Variants in RTKN2 observed in about 807,000 individuals in gnomAD.
The protein encoded by RTKN2 is rhotekin-2.
Under a neutral mutation model 71.5 loss-of-function variants are expected in RTKN2, and 69 were observed. That is an observed-to-expected ratio of 0.96 (90% CI 0.79 to 1.18). The LOEUF (loss-of-function observed/expected upper bound fraction) is 1.18. Ranked by LOEUF, RTKN2 falls within the 50% of genes most tolerant of loss-of-function variation. RTKN2 has a pLI of 0.00. For synonymous variants in RTKN2, 236 were observed against 236.5 expected (o/e 1.00, Z 0.02); for missense variants, 724 against 719.7 (o/e 1.01, Z -0.07).
chr10:62,267,480 G>T (rs1188690315), intron 1 of RTKN2, among the ~76,000 whole-genome samples: 7 of 152,090 alleles, frequency 4.6e-5, no homozygotes, highest in African/African-American at 1.4e-4. Flanking sequence ...AACAGGACAG[G>T]ACTGAAAAAA....
intron 8 of RTKN2, among the ~76,000 whole-genome samples, chr10:62,186,601 A>G (rs1841140526): frequency 6.6e-6 from 1 of 152,034 alleles, no homozygotes; most frequent in African/African-American, 2.4e-5. Context: ...GTGCTCCTCA[A>G]CCCCTTCCCG....
rs773867582 is a variant in RTKN2 at position 62,239,710 on chromosome 10, A to G, written c.426T>C (p.Asp142=). 5 of 1,592,696 alleles carry G rather than the reference A, an allele frequency of 3.1e-6. No homozygotes were observed. The highest frequency in any genetic ancestry group is 1.7e-5 in the Admixed American group (1 of 58,440). ...CLFKMGANVF[D]TDVVNVDKTI... is the part of the protein sequence containing the mutation. The stretch of plus-strand genomic sequence containing the variant: ...TTTTATCCACATTCACCACATCAGT[A>G]TCAAACACATTAGCTCCCATTTTGA... Residue 142 remains aspartate (D), a synonymous_variant, in exon 5 of 12, where the codon GAT becomes GAC. Transcript: ENST00000373789.
At chr10:62,223,972 GTA>G (rs5785516) in intron 6 of RTKN2, among the ~76,000 whole-genome samples, 114,419 of 151,260 alleles carry the variant, frequency 0.76, 43,344 homozygotes, top group East Asian at 0.9. Flanking sequence ...GTGTGTGTGT[GTA>G]TATATACACA....
rs894443551 is a variant in RTKN2 at position 62,231,827 on chromosome 10, G to A, written c.686+4239C>T. ...CCATTTTGGTTAAAGACTAAAAGCT[G>A]TATTAGAAATCTTCGCATTGACCTA... On this transcript the variant is annotated intron_variant, in intron 6 of 11. Transcript: ENST00000373789. Among the ~76,000 whole-genome samples the A allele has an allele frequency of 5.9e-5, 9 of 152,246 alleles. No individual in the cohort carries two copies. The South Asian group carries it at 1.2e-3, about 21-fold the overall frequency.
In RTKN2 at chr10:62,260,613, TAC is replaced by T. The variant is rs372423530; in HGVS notation, c.257+2010_257+2011del. ...TAATTAGTAAAGAAACTGAAAATCA[TAC>T]ACATTTCCAGTTAGGGATCCTAATT... On this transcript the variant is annotated intron_variant, in intron 2 of 11. Transcript: ENST00000373789. Among the ~76,000 whole-genome samples, 66 of 152,264 alleles carry T rather than the reference TAC, an allele frequency of 4.3e-4. No individual in the cohort carries two copies. The South Asian group carries it at 0.013, about 30-fold the overall frequency.
At chr10:62,254,519 C>G (rs1021485787) in intron 2 of RTKN2, among the ~76,000 whole-genome samples, 5 of 152,094 alleles carry the variant, frequency 3.3e-5, no homozygotes. Flanking sequence ...CAAAGTAATA[C>G]AATTATTTCA....
At chr10:62,227,713 C>A (rs1241489995) in intron 6 of RTKN2, among the ~76,000 whole-genome samples, 1 of 152,164 alleles carries the variant, frequency 6.6e-6, no homozygotes, top group Non-Finnish European at 1.5e-5. Context: ...GTGTGGAGAA[C>A]AGACTACAGA....
chr10:62,186,097 A>G (rs1342895832), intron 8 of RTKN2, among the ~76,000 whole-genome samples: 1 of 152,232 alleles, frequency 6.6e-6, no homozygotes, highest in Admixed American at 6.5e-5. Flanking sequence ...TGGAGACTGT[A>G]TGGTGTGGGC....
chr10:62,205,097 A>G, intron 9 of RTKN2, 75 bp from the exon 10 acceptor site: 2 of 1,163,208 alleles, frequency 1.7e-6, no homozygotes, highest in Non-Finnish European at 2.4e-6. Context: ...TTTATTGCTT[A>G]GCTACCATAT....
intron 1 of RTKN2, among the ~76,000 whole-genome samples, chr10:62,263,763 G>C (rs575005048): frequency 6.6e-6 from 1 of 152,282 alleles, no homozygotes; most frequent in Admixed American, 6.5e-5. Context: ...TAGCTATCTG[G>C]AACAGAGCTT....
intron 6 of RTKN2, among the ~76,000 whole-genome samples, chr10:62,226,689 C>G (rs1244017194): frequency 6.6e-6 from 1 of 152,230 alleles, no homozygotes; most frequent in East Asian, 1.9e-4. Context: ...TGCTATTATT[C>G]ATTTATTCTG....
rs1842919504 is a variant in RTKN2, at chr10:62,268,824, C to T, written c.-214G>A. On this transcript the variant is annotated 5_prime_UTR_variant, in exon 1 of 12. Coordinates refer to ENST00000373789, the MANE Select transcript of RTKN2 (RefSeq NM_145307.4). ...CCGCCGCCGGAAGTTGCCGAGACCC[C>T]AGGCTCTAGCGCGGCGGGGCGGGGG... 3 of 550,204 alleles carry T rather than the reference C, an allele frequency of 5.5e-6. No homozygotes were observed. Among genetic ancestry groups the T allele is most frequent in the Non-Finnish European group, 6.3e-6 (2 of 317,066 alleles). The allele number at this position is 550,204 out of a possible 1,614,324, so 34.1% of individuals were successfully genotyped here.
intron 9 of RTKN2, 145 bp downstream of exon 9, chr10:62,216,973 G>A (rs1242542424): frequency 1.2e-5 from 6 of 500,604 alleles, no homozygotes; most frequent in African/African-American, 4.0e-5. Context: ...TAGAAAAACA[G>A]AAACAGATTA....
Position 62,217,127 on chromosome 10 carries a change from G to T in RTKN2, c.1011C>A (p.Pro337=), listed in dbSNP as rs751700218. ...ATAGCATTTCCTTTACCTTGTTAAT[G>T]GGTACTACCAAAGCTGGTTCCACTT... ...EAKVEPALVV[P]INKETRIRAM... Residue 337 remains proline (P), a synonymous_variant, in exon 9 of 12, where the codon CCC becomes CCA. Transcript: ENST00000373789. 7.0e-6 allele frequency: 11 copies of T among 1,566,922 alleles called. No individual in the cohort carries two copies. In the African/African-American group the frequency reaches 1.4e-4, roughly 20 times the overall value.
chr10:62,268,601 G>T lies in RTKN2; in HGVS notation c.10C>A (p.Pro4Thr), dbSNP rs1458454206. 2 of 1,563,798 alleles carry T rather than the reference G, an allele frequency of 1.3e-6. No homozygotes were observed. The highest frequency in any genetic ancestry group is 2.4e-5 in the East Asian group (1 of 42,426). MEG[P>T]SLRGPALRLA... Reference sequence around the variant, plus strand: ...CGGAGCGCAGGACCCCTCAGGCTCGGCCCCTCCATCTCCAACGCGAACTGT... The same window carrying T: ...CGGAGCGCAGGACCCCTCAGGCTCGTCCCCTCCATCTCCAACGCGAACTGT... Residue 4 changes from proline (P) to threonine (T), a missense_variant, in exon 1 of 12, where the codon CCG becomes ACG. By Grantham distance (38) the Pro-to-Thr change is conservative. Coordinates refer to ENST00000373789, the MANE Select transcript of RTKN2 (RefSeq NM_145307.4).
intron 1 of RTKN2, among the ~76,000 whole-genome samples, chr10:62,263,888 A>T (rs1464913525): frequency 2.0e-5 from 3 of 152,176 alleles, no homozygotes; most frequent in Non-Finnish European, 2.9e-5. Context: ...TAATGGCCTG[A>T]TTCTACATAT....
intron 3 of RTKN2, among the ~76,000 whole-genome samples, chr10:62,241,589 TTTG>T (rs1404738394): frequency 1.3e-5 from 2 of 152,182 alleles, no homozygotes; most frequent in African/African-American, 4.8e-5. Context: ...TTTTCTTTTT[TTTG>T]TTTTTTGACA....
chr10:62,266,399 C>T (rs2133118376), intron 1 of RTKN2, among the ~76,000 whole-genome samples: 1 of 152,264 alleles, frequency 6.6e-6, no homozygotes, highest in Non-Finnish European at 1.5e-5. Flanking sequence ...ATAGTTAAGC[C>T]ATGTTAACAA....
downstream of RTKN2, among the ~76,000 whole-genome samples, chr10:62,188,627 T>TA (rs1841171715): frequency 6.6e-6 from 1 of 152,164 alleles, no homozygotes; most frequent in South Asian, 2.1e-4. Flanking sequence ...CAATCAATCT[T>TA]ACGTCTTTCG....
Sources: gnomAD v4.1 joint callset for allele counts (sites outside exome capture counted in the v4.1 genomes callset) on GRCh38, gnomAD v4.1.1 for gene constraint, MANE v1.5 for transcripts, NCBI Gene and HGNC (gene_info 2026-07-23, HGNC 2026-07-21) for gene names.